Variants in C12orf71 observed in about 807,000 individuals in gnomAD.
C12orf71 encodes uncharacterized protein C12orf71.
In C12orf71, 10 loss-of-function variants were observed where a neutral mutation model predicts 11.7. The ratio of observed to expected loss-of-function variants is 0.86; its 90% confidence interval spans 0.53 to 1.45. C12orf71 has a LOEUF of 1.45. C12orf71 is among the 40% of genes most tolerant of loss of function. The pLI is 0.00. For missense variants in C12orf71, 293 were observed against 325.8 expected (o/e 0.90, Z 0.78); for synonymous variants, 110 against 123.4 (o/e 0.89, Z 0.72).
At position 27,081,187 on chromosome 12, in the gene C12orf71, C is replaced by T; in HGVS notation, c.797G>A (p.Gly266Glu). 6.2e-7 allele frequency: 1 copy of T among 1,610,926 alleles called. No individual in the cohort carries two copies. Among genetic ancestry groups the T allele is most frequent in the Non-Finnish European group, 8.5e-7 (1 of 1,177,762 alleles). ...RIQPQETLEL[G>E]HPI ...TTAAAAATCTGTCTATATGGGATGT[C>T]CTAATTCAAGGGTTTCTTGAGGTTG... The change falls in exon 2 of 2, where the codon GGA becomes GAA. Residue 266 changes from glycine to glutamate, a missense_variant. Physicochemically the swap from Gly to Glu is moderately conservative, Grantham distance 98. Coordinates refer to ENST00000429849, the MANE Select transcript of C12orf71 (RefSeq NM_001080406.2).
chr12:27,082,271 C>T lies in C12orf71; in HGVS notation c.213G>A (p.Lys71=), dbSNP rs746427345. ...GTTCATCCTGAATTTGGTCTTGTCT[C>T]TTCATGCGTCTCCCTATCCTTTCAG... ...WGTERIGRRM[K]RQDQIQDEPE... is the part of the protein sequence containing the mutation. The change falls in exon 1 of 2, where the codon AAG becomes AAA. Residue 71 remains lysine (K), a synonymous_variant. Coordinates refer to ENST00000429849, the MANE Select transcript of C12orf71 (RefSeq NM_001080406.2). 3.7e-6 allele frequency: 6 copies of T among 1,610,162 alleles called. No individual in the cohort carries two copies. Among genetic ancestry groups the T allele is most frequent in the Non-Finnish European group, 4.2e-6 (5 of 1,178,102 alleles).
chr12:27,081,343 C>T lies in C12orf71; in HGVS notation c.641G>A (p.Gly214Glu). Residue 214 changes from glycine to glutamate, a missense_variant, in exon 2 of 2, where the codon GGG becomes GAG. Coordinates refer to ENST00000429849, the MANE Select transcript of C12orf71 (RefSeq NM_001080406.2). ...HTQAQCCLNFGWAFSWLRQRI... is the reference protein window; with the variant it reads ...HTQAQCCLNFEWAFSWLRQRI... Reference sequence around the variant, plus strand: ...CTGCCTCAGCCAGCTGAAGGCCCACCCAAAGTTCAGGCAGCACTGGGCCTG... The same window carrying T: ...CTGCCTCAGCCAGCTGAAGGCCCACTCAAAGTTCAGGCAGCACTGGGCCTG... 1 of 1,613,870 alleles carries T rather than the reference C, an allele frequency of 6.2e-7. No individual in the cohort carries two copies. Among genetic ancestry groups the T allele is most frequent in the Non-Finnish European group, 8.5e-7 (1 of 1,179,862 alleles).
Position 27,082,120 on chromosome 12 carries a change from C to A in C12orf71, c.364G>T (p.Glu122Ter). The A allele has an allele frequency of 6.2e-7, 1 of 1,613,190 alleles. No individual in the cohort carries two copies. The highest frequency in any genetic ancestry group is 8.5e-7 in the Non-Finnish European group (1 of 1,179,490). ...TTGCCAACAGACAGTTTTGTTCTCTCTTTTGGTAACTTGTCTATCCACAGG... is the reference window on the plus strand; with the variant it reads ...TTGCCAACAGACAGTTTTGTTCTCTATTTTGGTAACTTGTCTATCCACAGG... ...DNLWIDKLPK[E>*]RTKLSVGKLN... is the part of the protein sequence containing the mutation. Residue 122 changes from glutamate (E) to a stop codon, truncating the protein, a stop_gained, in exon 1 of 2, where the codon GAG (glutamate) becomes TAG (stop). Coordinates refer to ENST00000429849, the MANE Select transcript of C12orf71 (RefSeq NM_001080406.2). LOFTEE classifies it high-confidence loss of function.
intron 1 of C12orf71, 88 bp downstream of exon 1, chr12:27,081,880 G>A: frequency 7.7e-7 from 1 of 1,302,220 alleles, no homozygotes; most frequent in Non-Finnish European, 1.1e-6. Flanking sequence ...AGCCTTAGAG[G>A]AGTCTGTGGA....
At position 27,082,173 on chromosome 12, in the gene C12orf71, C is replaced by G. The variant is rs773721194; in HGVS notation, c.311G>C (p.Arg104Thr). 15 of 1,613,854 alleles carry G rather than the reference C, an allele frequency of 9.3e-6. No homozygotes were observed. The highest frequency in any genetic ancestry group is 1.3e-5 in the Non-Finnish European group (15 of 1,179,886). The change falls in exon 1 of 2, where the codon AGA becomes ACA. Residue 104 changes from arginine to threonine, a missense_variant. Arg to Thr is a moderately conservative substitution (Grantham distance 71, BLOSUM62 -1). Transcript: ENST00000429849. ...VDIGSDNTDSRANRLLNGDNL... is the reference protein window; with the variant it reads ...VDIGSDNTDSTANRLLNGDNL... The stretch of plus-strand genomic sequence containing the variant: ...GTCTCCATTTAGAAGCCTATTAGCT[C>G]TTGAGTCTGTGTTATCGGAGCCAAT...
chr12:27,082,104 G>C lies in C12orf71; in HGVS notation c.380C>G (p.Ser127Cys). Residue 127 changes from serine (S) to cysteine (C), a missense_variant, in exon 1 of 2, where the codon TCT becomes TGT. Transcript: ENST00000429849. The stretch of plus-strand genomic sequence containing the variant: ...CACAAGATTATTCAGTTTGCCAACA[G>C]ACAGTTTTGTTCTCTCTTTTGGTAA... Reference protein sequence around the residue: ...DKLPKERTKLSVGKLNNLVQE... With the variant: ...DKLPKERTKLCVGKLNNLVQE... 1.2e-6 allele frequency: 2 copies of C among 1,612,606 alleles called. No individual in the cohort carries two copies. Among genetic ancestry groups the C allele is most frequent in the Non-Finnish European group, 1.7e-6 (2 of 1,179,156 alleles).
In C12orf71 at chr12:27,082,523, T is replaced by G; in HGVS notation, c.-40A>C. On this transcript the variant is annotated 5_prime_UTR_variant, in exon 1 of 2. Transcript: ENST00000429849. ...CAAATTTCTCTCAACTTGAGAAGCT[T>G]CAAAAAAGAAAAAAGAAAAAATAGG... is the stretch of plus-strand genomic sequence containing the variant. 7.0e-7 allele frequency: 1 copy of G among 1,431,902 alleles called. No homozygotes were observed. The highest frequency in any genetic ancestry group is 9.2e-7 in the Non-Finnish European group (1 of 1,090,470). 88.7% of individuals were successfully genotyped at this position (1,431,902 alleles called of 1,614,324 possible).
At chr12:27,082,588 A>G (rs1941946941), upstream of C12orf71, 2 of 836,888 alleles carry the variant, frequency 2.4e-6, no homozygotes, top group East Asian at 6.1e-5. Context: ...TTAAGCAAAA[A>G]CATTATCCAT....
At chr12:27,081,697 T>G (rs1282818683) in intron 1 of C12orf71, 1 of 672,582 alleles carries the variant, frequency 1.5e-6, no homozygotes, top group African/African-American at 1.8e-5. Flanking sequence ...TCCCAGTCTT[T>G]TCCCTACAGC....
At chr12:27,081,625 G>A (rs1941933276) in intron 1 of C12orf71, among the ~76,000 whole-genome samples, 158 bp from the exon 2 acceptor site, 1 of 152,156 alleles carries the variant, frequency 6.6e-6, no homozygotes, top group African/African-American at 2.4e-5. Context: ...TACGTTTTTG[G>A]TGGGGAGGGA....
upstream of C12orf71, among the ~76,000 whole-genome samples, chr12:27,083,973 GACAC>G (rs992945558): frequency 1.3e-5 from 2 of 152,038 alleles, no homozygotes; most frequent in Admixed American, 6.6e-5. Flanking sequence ...CGCACACACA[GACAC>G]ACACACACAA....
Position 27,082,520 on chromosome 12 carries a change from G to C in C12orf71, c.-37C>G. 7.0e-7 allele frequency: 1 copy of C among 1,434,726 alleles called. No individual in the cohort carries two copies. The highest frequency in any genetic ancestry group is 2.8e-5 in the Admixed American group (1 of 36,332). The allele number at this position is 1,434,726 out of a possible 1,614,324, so 88.9% of individuals were successfully genotyped here. A position where few individuals can be genotyped will look rare whatever the true frequency, so the allele number is the denominator to read the frequency against. On this transcript the variant is annotated 5_prime_UTR_variant, in exon 1 of 2. Transcript: ENST00000429849. Reference sequence around the variant, plus strand: ...GCACAAATTTCTCTCAACTTGAGAAGCTTCAAAAAAGAAAAAAGAAAAAAT... The same window carrying C: ...GCACAAATTTCTCTCAACTTGAGAACCTTCAAAAAAGAAAAAAGAAAAAAT...
In C12orf71 at chr12:27,081,243, C is replaced by A. The variant is rs753574365; in HGVS notation, c.741G>T (p.Thr247=). The A allele has an allele frequency of 6.2e-7, 1 of 1,613,854 alleles. No homozygotes were observed. The highest frequency in any genetic ancestry group is 1.1e-5 in the South Asian group (1 of 91,076). Residue 247 remains threonine (T), a synonymous_variant, in exon 2 of 2, where the codon ACG becomes ACT. Coordinates refer to ENST00000429849, the MANE Select transcript of C12orf71 (RefSeq NM_001080406.2). The part of the protein sequence containing the change: ...ATKSPHRSAP[T]KRLFHRGKRI... ...TCTTGCCTCTGTGAAAGAGTCTTTT[C>A]GTTGGTGCTGACCGATGGGGACTTT...
chr12:27,084,070 G>A (rs771293378), upstream of C12orf71, among the ~76,000 whole-genome samples: 10 of 152,168 alleles, frequency 6.6e-5, no homozygotes, highest in Non-Finnish European at 1.5e-4. Context: ...AAGGAGACAC[G>A]AGAAATCCTT....
At position 27,082,555 on chromosome 12, in the gene C12orf71, T is replaced by A; in HGVS notation, c.-72A>T. ...AGAAAAAAGAAAAAATAGGTGGGACTAAGGAGAAGAGAGTCATAGTACTTA... is the reference window on the plus strand; with the variant it reads ...AGAAAAAAGAAAAAATAGGTGGGACAAAGGAGAAGAGAGTCATAGTACTTA... On this transcript the variant is annotated 5_prime_UTR_variant, in exon 1 of 2. Coordinates refer to ENST00000429849, the MANE Select transcript of C12orf71 (RefSeq NM_001080406.2). 8.0e-7 allele frequency: 1 copy of A among 1,249,132 alleles called. No homozygotes were observed. The highest frequency in any genetic ancestry group is 1.1e-6 in the Non-Finnish European group (1 of 934,780). 77.4% of individuals were successfully genotyped at this position (1,249,132 alleles called of 1,614,324 possible). A position where few individuals can be genotyped will look rare whatever the true frequency, so the allele number is the denominator to read the frequency against.
chr12:27,083,323 C>T (rs1941952716), upstream of C12orf71, among the ~76,000 whole-genome samples: 1 of 152,186 alleles, frequency 6.6e-6, no homozygotes, highest in South Asian at 2.1e-4. Flanking sequence ...GTATTATAAT[C>T]CTCTCTACTA....
At position 27,081,983 on chromosome 12, in the gene C12orf71, A is replaced by G; in HGVS notation, c.501T>C (p.Pro167=). ...QQDFQLSSGS[P]PEMVQMISQA... ...GATGACTGACCTGAACCATTTCCGG[A>G]GGGGAGCCGCTGGATAGCTGGAAAT... Residue 167 remains proline (P), a synonymous_variant, in exon 1 of 2, where the codon CCT becomes CCC. Transcript: ENST00000429849. 6.3e-7 allele frequency: 1 copy of G among 1,582,694 alleles called. No homozygotes were observed. The highest frequency in any genetic ancestry group is 8.6e-7 in the Non-Finnish European group (1 of 1,162,766).
chr12:27,081,864 C>T, intron 1 of C12orf71, 104 bp downstream of exon 1: 2 of 1,201,510 alleles, frequency 1.7e-6, no homozygotes, highest in Non-Finnish European at 2.4e-6. Flanking sequence ...CAGCTCATGT[C>T]CCTTAAGCCT....
chr12:27,082,953 T>C (rs548461333), upstream of C12orf71, among the ~76,000 whole-genome samples: 1 of 151,952 alleles, frequency 6.6e-6, no homozygotes, highest in Non-Finnish European at 1.5e-5. Flanking sequence ...TTTTGTTTTT[T>C]TTTTTGAGAT....
Sources: gnomAD v4.1 joint callset for allele counts (sites outside exome capture counted in the v4.1 genomes callset) on GRCh38, gnomAD v4.1.1 for gene constraint, MANE v1.5 for transcripts, NCBI Gene and HGNC (gene_info 2026-07-23, HGNC 2026-07-21) for gene names.